The following CNTNAP5 variants were observed in gnomAD, a reference collection of about 807,000 sequenced individuals.
The protein encoded by CNTNAP5 is contactin associated protein family member 5.
In CNTNAP5, 72 loss-of-function variants were observed where a neutral mutation model predicts 150.2. That is an observed-to-expected ratio of 0.48 (90% CI 0.40 to 0.58). CNTNAP5 has a LOEUF of 0.58. Ranked by LOEUF, CNTNAP5 falls within the 20% of genes least tolerant of loss-of-function variation. CNTNAP5 has a pLI of 0.00. For synonymous variants in CNTNAP5, 672 were observed against 619.8 expected (o/e 1.08, Z -1.25); for missense variants, 1,636 against 1,626.2 (o/e 1.01, Z -0.10).
At chr2:124,742,457 A>T (rs979305707) in intron 13 of CNTNAP5, among the ~76,000 whole-genome samples, 18 of 152,090 alleles carry the variant, frequency 1.2e-4, no homozygotes, top group African/African-American at 3.6e-4. Flanking sequence ...GGAGATCCTG[A>T]GAAGGTTCCA....
chr2:124,901,522 CT>C (rs1678412951), intron 21 of CNTNAP5, among the ~76,000 whole-genome samples: 1 of 152,130 alleles, frequency 6.6e-6, no homozygotes, highest in African/African-American at 2.4e-5. Flanking sequence ...ATGTGGGTGG[CT>C]TCTAGAAGCT....
At chr2:124,500,109 G>A (rs1362431387) in intron 7 of CNTNAP5, among the ~76,000 whole-genome samples, 2 of 152,044 alleles carry the variant, frequency 1.3e-5, no homozygotes, top group African/African-American at 2.4e-5. Flanking sequence ...TGCCCTCAAC[G>A]GAGTGGATGA....
chr2:124,217,646 G>A (rs1452434847), intron 1 of CNTNAP5, among the ~76,000 whole-genome samples: 1 of 152,092 alleles, frequency 6.6e-6, no homozygotes, highest in African/African-American at 2.4e-5. Context: ...AACCTTTAAT[G>A]TGAATGAGCT....
chr2:124,266,721 T>C (rs1687614718), intron 3 of CNTNAP5, among the ~76,000 whole-genome samples: 1 of 152,144 alleles, frequency 6.6e-6, no homozygotes, highest in Non-Finnish European at 1.5e-5. Context: ...TATCATGTTT[T>C]ACTTCCCAGC....
At chr2:124,874,738 G>A (rs187100073) in intron 21 of CNTNAP5, among the ~76,000 whole-genome samples, 1 of 151,990 alleles carries the variant, frequency 6.6e-6, no homozygotes, top group South Asian at 2.1e-4. Flanking sequence ...AGGTGGAAAA[G>A]AATTATAGTA....
intron 3 of CNTNAP5, among the ~76,000 whole-genome samples, chr2:124,259,315 C>T (rs188746273): frequency 7.4e-4 from 113 of 152,288 alleles, no homozygotes; most frequent in Non-Finnish European, 1.0e-3. Context: ...CCGCAATAAA[C>T]ATACATGTGC....
At chr2:124,802,778 G>T (rs72980467) in intron 19 of CNTNAP5, among the ~76,000 whole-genome samples, 8 of 152,248 alleles carry the variant, frequency 5.3e-5, no homozygotes, top group African/African-American at 1.9e-4. Flanking sequence ...GCAGATACTA[G>T]CTCATGTACT....
intron 10 of CNTNAP5, among the ~76,000 whole-genome samples, chr2:124,535,399 A>G (rs1310217475): frequency 2.0e-5 from 3 of 152,132 alleles, no homozygotes; most frequent in African/African-American, 7.2e-5. Flanking sequence ...ACCACATTAC[A>G]TTTCTTGTGG....
At chr2:124,660,746 C>G (rs1393698928) in intron 13 of CNTNAP5, among the ~76,000 whole-genome samples, 5 of 151,374 alleles carry the variant, frequency 3.3e-5, no homozygotes, top group Non-Finnish European at 7.4e-5. Flanking sequence ...CTAAACATAC[C>G]TAAATATGAA....
intron 19 of CNTNAP5, among the ~76,000 whole-genome samples, chr2:124,860,219 G>A (rs1461893171): frequency 6.6e-6 from 1 of 151,816 alleles, no homozygotes; most frequent in Non-Finnish European, 1.5e-5. Context: ...GCATGGTGGT[G>A]GGCGCCTGTA....
chr2:124,251,696 T>C (rs77446735), intron 3 of CNTNAP5, among the ~76,000 whole-genome samples: 11,418 of 152,218 alleles, frequency 0.075, 594 homozygotes, highest in Non-Finnish European at 0.12. Flanking sequence ...TGGAGGAATA[T>C]GCACAGATGG....
At chr2:124,424,992 T>C (rs1412241815) in intron 4 of CNTNAP5, among the ~76,000 whole-genome samples, 1 of 152,214 alleles carries the variant, frequency 6.6e-6, no homozygotes, top group Non-Finnish European at 1.5e-5. Context: ...CATATGCTAA[T>C]GGCAGTGATT....
At chr2:124,452,113 A>G (rs535788326) in intron 6 of CNTNAP5, among the ~76,000 whole-genome samples, 59 of 152,084 alleles carry the variant, frequency 3.9e-4, no homozygotes, top group Non-Finnish European at 7.6e-4. Flanking sequence ...AGCCCTACTT[A>G]TTTTTGCAGC....
At chr2:124,113,156 T>A (rs1055387703) in intron 1 of CNTNAP5, among the ~76,000 whole-genome samples, 2 of 152,146 alleles carry the variant, frequency 1.3e-5, no homozygotes, top group Non-Finnish European at 2.9e-5. Flanking sequence ...TACATATGTA[T>A]CCCTCTGAAT....
chr2:124,127,007 G>GCA (rs1683721065), intron 1 of CNTNAP5, among the ~76,000 whole-genome samples: 1 of 152,136 alleles, frequency 6.6e-6, no homozygotes, highest in East Asian at 1.9e-4. Context: ...CACAAGACAG[G>GCA]GATGCCCTCT....
At chr2:124,854,819 C>T (rs774099928) in intron 19 of CNTNAP5, among the ~76,000 whole-genome samples, 2 of 152,220 alleles carry the variant, frequency 1.3e-5, no homozygotes, top group Admixed American at 6.5e-5. Context: ...TTGTATTCTA[C>T]GTGACCAGAG....
intron 4 of CNTNAP5, among the ~76,000 whole-genome samples, chr2:124,423,579 C>T (rs1348499966): frequency 6.7e-6 from 1 of 150,348 alleles, no homozygotes; most frequent in East Asian, 2.0e-4. Context: ...ATCTCCTGAC[C>T]TCGTGATCCG....
At chr2:124,426,132 G>A (rs1170821967) in intron 4 of CNTNAP5, among the ~76,000 whole-genome samples, 8 of 151,386 alleles carry the variant, frequency 5.3e-5, no homozygotes, top group Non-Finnish European at 1.2e-4. Context: ...GTTACGACTG[G>A]AATTCAGAGT....
intron 3 of CNTNAP5, among the ~76,000 whole-genome samples, chr2:124,361,889 C>T (rs1379616552): frequency 7.0e-6 from 1 of 142,492 alleles, no homozygotes; most frequent in Non-Finnish European, 1.6e-5. Context: ...TGGGCAATGG[C>T]GGGCGCCCCT....
Sources: gnomAD v4.1 joint callset for allele counts (sites outside exome capture counted in the v4.1 genomes callset) on GRCh38, gnomAD v4.1.1 for gene constraint, MANE v1.5 for transcripts, NCBI Gene and HGNC (gene_info 2026-07-23, HGNC 2026-07-21) for gene names.